CUX2: variants seen among roughly 807,000 people sequenced by gnomAD.
CUX2 encodes the protein cut like homeobox 2, also known as homeobox protein cut-like 2.
Under a neutral mutation model 144.8 loss-of-function variants are expected in CUX2, and 40 were observed. That is an observed-to-expected ratio of 0.28 (90% CI 0.21 to 0.36). CUX2 has a LOEUF of 0.36. Among genes scored for constraint, CUX2 ranks in the 10% least tolerant of loss-of-function variants. The pLI is 1.00. For synonymous variants in CUX2, 827 were observed against 875.6 expected (o/e 0.94, Z 0.98); for missense variants, 1,615 against 1,994.0 (o/e 0.81, Z 3.62).
intron 1 of CUX2, among the ~76,000 whole-genome samples, chr12:111,150,312 C>T (rs563882945): frequency 1.4e-4 from 22 of 152,146 alleles, no homozygotes; most frequent in Non-Finnish European, 2.8e-4. Context: ...CCTCCTCCCC[C>T]CAAAAAAGGG....
chr12:111,301,919 A>G (rs1249969325), intron 9 of CUX2, among the ~76,000 whole-genome samples: 2 of 152,202 alleles, frequency 1.3e-5, no homozygotes, highest in Non-Finnish European at 2.9e-5. Context: ...TCAGTAGCTA[A>G]TCAGCCATGA....
intron 1 of CUX2, among the ~76,000 whole-genome samples, chr12:111,146,603 A>G (rs557734422): frequency 6.9e-6 from 1 of 145,452 alleles, no homozygotes; most frequent in Non-Finnish European, 1.5e-5. Context: ...ATCACATTTT[A>G]CAGAAGAGCA....
intron 3 of CUX2, among the ~76,000 whole-genome samples, chr12:111,222,152 A>G (rs1047513828): frequency 2.2e-4 from 33 of 152,372 alleles, no homozygotes; most frequent in African/African-American, 7.2e-4. Context: ...TCGCAGTTAC[A>G]TATCATTAAC....
intron 21 of CUX2, among the ~76,000 whole-genome samples, chr12:111,346,634 T>C (rs930158719): frequency 6.6e-6 from 1 of 152,206 alleles, no homozygotes; most frequent in Non-Finnish European, 1.5e-5. Flanking sequence ...AGCCACAGCA[T>C]TGAAGGTGCT....
At chr12:111,101,762 T>C (rs1198227722) in intron 1 of CUX2, among the ~76,000 whole-genome samples, 1 of 152,186 alleles carries the variant, frequency 6.6e-6, no homozygotes, top group Non-Finnish European at 1.5e-5. Flanking sequence ...GTCTCTTACT[T>C]GTTACCTTGG....
chr12:111,307,129 A>T lies in CUX2; in HGVS notation c.1050+17A>T, dbSNP rs1886628266. 6.2e-7 allele frequency: 1 copy of T among 1,613,344 alleles called. No individual in the cohort carries two copies. The highest frequency in any genetic ancestry group is 1.3e-5 in the African/African-American group (1 of 74,886). ...GCCATAGAAGTGGGTCCTGGGGAGGAGGCAGGCGGGCAGGCGGCCCCATGC... is the reference window on the plus strand; with the variant it reads ...GCCATAGAAGTGGGTCCTGGGGAGGTGGCAGGCGGGCAGGCGGCCCCATGC... On this transcript the variant is annotated intron_variant, in intron 11 of 21. Transcript: ENST00000261726. The surrounding 1 kb of genome is among the most constrained non-coding windows in gnomAD (Gnocchi z 4.1).
intron 3 of CUX2, among the ~76,000 whole-genome samples, chr12:111,240,818 G>A (rs1216076598): frequency 1.3e-5 from 2 of 152,146 alleles, no homozygotes; most frequent in African/African-American, 4.8e-5. Context: ...TTGCTCTCTG[G>A]AGGAATGGTG....
intron 1 of CUX2, among the ~76,000 whole-genome samples, chr12:111,115,425 A>C (rs896806226): frequency 6.6e-6 from 1 of 151,492 alleles, no homozygotes; most frequent in African/African-American, 2.4e-5. Context: ...AGCTGGGACT[A>C]TAGGTGCCTG....
Position 111,039,873 on chromosome 12 carries a change from C to T in CUX2, c.63+5633C>T, listed in dbSNP as rs1869655470. Among the ~76,000 whole-genome samples, 1 of 152,098 alleles carries T rather than the reference C, an allele frequency of 6.6e-6. No homozygotes were observed. Among genetic ancestry groups the T allele is most frequent in the Admixed American group, 6.6e-5 (1 of 15,260 alleles). On this transcript the variant is annotated intron_variant, in intron 1 of 21. Transcript: ENST00000261726. This position sits in a 1 kb window ranked among gnomAD's most constrained non-coding sequence, Gnocchi z 4.2. ...ATGGTCGTGGTGGTGGGGCTATTGA[C>T]CTTTTAAGCAATATTTTTGAAACAA... is the stretch of plus-strand genomic sequence containing the variant.
At chr12:111,063,911 G>A (rs563711074) in intron 1 of CUX2, among the ~76,000 whole-genome samples, 1 of 152,290 alleles carries the variant, frequency 6.6e-6, no homozygotes, top group South Asian at 2.1e-4. Flanking sequence ...TTACGCTGTC[G>A]AGGAGCGAGG....
chr12:111,122,164 C>T (rs528922618), intron 1 of CUX2, among the ~76,000 whole-genome samples: 1 of 152,252 alleles, frequency 6.6e-6, no homozygotes, highest in African/African-American at 2.4e-5. Context: ...GCCTTTAATC[C>T]TCAACTTTAA....
intron 19 of CUX2, 102 bp from the exon 20 acceptor site, chr12:111,338,173 GGAGATAGCCTC>G: frequency 2.6e-6 from 3 of 1,149,318 alleles, no homozygotes; most frequent in Admixed American, 2.4e-5. Context: ...CGGAGTCAGT[GGAGATAGCCTC>G]GAGGCTCTCC....
chr12:111,183,682 T>C (rs1171717431), intron 1 of CUX2, among the ~76,000 whole-genome samples: 2 of 152,226 alleles, frequency 1.3e-5, no homozygotes, highest in Non-Finnish European at 2.9e-5. Context: ...CAGGTAGGGC[T>C]GATGACAGTG....
chr12:111,050,975 T>C (rs1870236824), intron 1 of CUX2, among the ~76,000 whole-genome samples: 1 of 152,244 alleles, frequency 6.6e-6, no homozygotes, highest in Non-Finnish European at 1.5e-5. Context: ...CAGTGTATTG[T>C]GTATTTTAAA....
chr12:111,319,856 A>G (rs11833191), intron 16 of CUX2, among the ~76,000 whole-genome samples, 156 bp from the exon 17 acceptor site: 4,686 of 152,334 alleles, frequency 0.031, 207 homozygotes, highest in East Asian at 0.1. Context: ...ATTCTGCCAC[A>G]GGGAGGGATC....
In CUX2 at chr12:111,295,373, G is replaced by A; in HGVS notation, c.601G>A (p.Gly201Arg). The A allele has an allele frequency of 1.2e-6, 2 of 1,612,866 alleles. No homozygotes were observed. The highest frequency in any genetic ancestry group is 1.7e-6 in the Non-Finnish European group (2 of 1,179,498). The change falls in exon 7 of 22, where the codon GGG (glycine) becomes AGG (arginine). Residue 201 changes from glycine (G) to arginine (R), a missense_variant. Gly to Arg is a moderately radical substitution (Grantham distance 125, BLOSUM62 -2). Around this residue, in one of 12 missense-constraint regions of CUX2, gnomAD observed 295 missense variants for 400.2 expected, o/e 0.74. Coordinates refer to ENST00000261726, the MANE Select transcript of CUX2 (RefSeq NM_015267.4). The surrounding 1 kb of genome is among the most constrained non-coding windows in gnomAD (Gnocchi z 5.0). ...EVQITLAARL[G>R]EAEEKIKVLH... ...ACAGATCACTTTGGCGGCCAGACTG[G>A]GGGAGGCAGAGGAGAAAATCAAAGT...
intron 1 of CUX2, among the ~76,000 whole-genome samples, chr12:111,064,754 G>T (rs7972125): frequency 0.062 from 9,411 of 152,168 alleles, 979 homozygotes; most frequent in African/African-American, 0.22. Flanking sequence ...TTTTATCCTG[G>T]CTCTGCCTCA....
chr12:111,340,883 G>C (rs1413569623), intron 20 of CUX2, among the ~76,000 whole-genome samples: 1 of 152,000 alleles, frequency 6.6e-6, no homozygotes, highest in East Asian at 1.9e-4. Context: ...AAAGTTCTAA[G>C]TTGCTAGCCA....
intron 3 of CUX2, among the ~76,000 whole-genome samples, chr12:111,260,380 C>T (rs113390467): frequency 0.037 from 5,654 of 151,820 alleles, 145 homozygotes; most frequent in African/African-American, 0.069. Flanking sequence ...AGGAGGATGG[C>T]GTGAACCCAG....
Sources: gnomAD v4.1 joint callset for allele counts (sites outside exome capture counted in the v4.1 genomes callset) on GRCh38, gnomAD v4.1.1 for gene constraint, gnomAD v4.1.1 regional missense constraint, Gnocchi (gnomAD v3.1) non-coding constraint, MANE v1.5 for transcripts, NCBI Gene and HGNC (gene_info 2026-07-23, HGNC 2026-07-21) for gene names.